Variants in PTPRT observed in about 807,000 individuals in gnomAD.
PTPRT encodes the protein receptor-type tyrosine-protein phosphatase T.
Under a neutral mutation model 176.8 loss-of-function variants are expected in PTPRT, and 56 were observed. That is an observed-to-expected ratio of 0.32 (90% CI 0.26 to 0.40). PTPRT has a LOEUF of 0.40. Among genes scored for constraint, PTPRT ranks in the 10% least tolerant of loss-of-function variants. The pLI, the probability that PTPRT is intolerant of heterozygous loss-of-function variation, is 1.00. For synonymous variants in PTPRT, 783 were observed against 739.0 expected, an observed-to-expected ratio of 1.06 and a Z score of -0.96; for missense variants, 1,540 against 1,908.2, an observed-to-expected ratio of 0.81 and a Z score of 3.60.
intron 1 of PTPRT, among the ~76,000 whole-genome samples, chr20:43,067,780 A>AG (rs1314854710): frequency 1.3e-5 from 2 of 150,986 alleles, no homozygotes; most frequent in Admixed American, 6.6e-5. Flanking sequence ...TGGGCAACAG[A>AG]GGGAAACCCC....
intron 1 of PTPRT, among the ~76,000 whole-genome samples, chr20:43,177,663 G>C (rs2015152752): frequency 6.6e-6 from 1 of 152,160 alleles, no homozygotes; most frequent in Non-Finnish European, 1.5e-5. Flanking sequence ...GCAATACAGA[G>C]AGATTTACAC....
intron 7 of PTPRT, among the ~76,000 whole-genome samples, chr20:42,535,008 A>C (rs573204370): frequency 6.6e-6 from 1 of 152,284 alleles, no homozygotes; most frequent in Non-Finnish European, 1.5e-5. Context: ...CCTGCTGTTA[A>C]TCCCTATTAT....
intron 18 of PTPRT, among the ~76,000 whole-genome samples, chr20:42,136,786 T>C (rs138545747): frequency 8.9e-4 from 135 of 152,160 alleles, no homozygotes; most frequent in African/African-American, 3.2e-3. Flanking sequence ...TGTCGGGGGG[T>C]GATCCCAGGA....
intron 14 of PTPRT, among the ~76,000 whole-genome samples, chr20:42,242,419 A>G (rs1253376454): frequency 6.6e-6 from 1 of 152,250 alleles, no homozygotes. Flanking sequence ...CTGATGGTCT[A>G]GTGAGGAAAT....
At position 43,184,650 on chromosome 20, in the gene PTPRT, G is replaced by A. The variant is rs73280332; in HGVS notation, c.88+4996C>T. Among the ~76,000 whole-genome samples, 667 of 151,990 alleles carry A rather than the reference G, an allele frequency of 4.4e-3. 1 individual carries two copies. Among genetic ancestry groups the A allele is most frequent in the African/African-American group, 0.011 (462 of 41,432 alleles). On this transcript the variant is annotated intron_variant, in intron 1 of 30. Coordinates refer to ENST00000373187, the MANE Select transcript of PTPRT (RefSeq NM_007050.6). ...TGCAGTGAGCTGAGATCACGCCACCGTGCTCCAGCCCGGCGACAGAGCAGT... is the reference window on the plus strand; with the variant it reads ...TGCAGTGAGCTGAGATCACGCCACCATGCTCCAGCCCGGCGACAGAGCAGT...
chr20:42,037,839 G>A, the PTPRT span, among the ~76,000 whole-genome samples: 1 of 152,300 alleles, frequency 6.6e-6, no homozygotes, highest in South Asian at 2.1e-4. Flanking sequence ...AGGTTGAGAT[G>A]AGCGTTTATG....
intron 13 of PTPRT, among the ~76,000 whole-genome samples, chr20:42,262,495 G>A (rs1283645394): frequency 1.3e-5 from 2 of 152,226 alleles, no homozygotes; most frequent in African/African-American, 4.8e-5. Context: ...TGAAGACTCA[G>A]TCTCTAGGAA....
At chr20:43,165,836 A>G (rs2014843914) in intron 1 of PTPRT, among the ~76,000 whole-genome samples, 1 of 152,210 alleles carries the variant, frequency 6.6e-6, no homozygotes, top group African/African-American at 2.4e-5. Context: ...AAATGTGTCA[A>G]CAGGGAATGG....
chr20:42,278,073 CTATATATATATATA>C lies in PTPRT; in HGVS notation c.2176+4402_2176+4415del, dbSNP rs777694770. On this transcript the variant is annotated intron_variant, in intron 13 of 30. Coordinates refer to ENST00000373187, the MANE Select transcript of PTPRT (RefSeq NM_007050.6). ...GATAGACATTAAACATGTAAGTAGA[CTATATATATATATA>C]TATATATATATATATATATATATAT... 6.2e-3 allele frequency among the ~76,000 whole-genome samples: 245 copies of C among 39,222 alleles called. 3 individuals carry two copies. Among genetic ancestry groups the C allele is most frequent in the Non-Finnish European group, 8.5e-3 (160 of 18,812 alleles). The allele number at this position is 39,222 out of a possible 152,430, so 25.7% of individuals were successfully genotyped here. A position where few individuals can be genotyped will look rare whatever the true frequency, so the allele number is the denominator to read the frequency against.
At chr20:43,187,254 C>T (rs2015416101) in intron 1 of PTPRT, among the ~76,000 whole-genome samples, 1 of 152,096 alleles carries the variant, frequency 6.6e-6, no homozygotes, top group Non-Finnish European at 1.5e-5. Flanking sequence ...ATCAAAAGAA[C>T]ATGGAAAACA....
intron 1 of PTPRT, among the ~76,000 whole-genome samples, chr20:42,960,956 G>T (rs1436962136): frequency 6.6e-6 from 1 of 152,184 alleles, no homozygotes. Flanking sequence ...GAAGTATGCA[G>T]AAAATGTATA....
chr20:43,101,042 A>G (rs759237821), intron 1 of PTPRT, among the ~76,000 whole-genome samples: 22 of 152,184 alleles, frequency 1.4e-4, no homozygotes, highest in Non-Finnish European at 2.5e-4. Context: ...TTTCTGGTAC[A>G]AAGAAACAAA....
At chr20:42,217,376 T>TACACATACAC (rs2055798480) in intron 15 of PTPRT, among the ~76,000 whole-genome samples, 1 of 104,326 alleles carries the variant, frequency 9.6e-6, no homozygotes, top group Non-Finnish European at 1.9e-5. Flanking sequence ...CTCTCAAACA[T>TACACATACAC]ACACACACAC....
chr20:42,730,111 G>C (rs1019700454), intron 6 of PTPRT, among the ~76,000 whole-genome samples: 4 of 152,180 alleles, frequency 2.6e-5, no homozygotes, highest in Admixed American at 6.5e-5. Context: ...TGTCCTTAAT[G>C]TTGACAAAGA....
intron 18 of PTPRT, among the ~76,000 whole-genome samples, chr20:42,130,172 C>G (rs965966038): frequency 2.6e-5 from 4 of 152,186 alleles, no homozygotes; most frequent in Non-Finnish European, 5.9e-5. Context: ...ATATACCCAG[C>G]AGAGGGAATT....
intron 16 of PTPRT, among the ~76,000 whole-genome samples, chr20:42,167,652 GAA>G (rs1208786353): frequency 6.6e-6 from 1 of 152,202 alleles, no homozygotes; most frequent in Non-Finnish European, 1.5e-5. Flanking sequence ...GAAGAGGAGA[GAA>G]GTTTTGAGGT....
At chr20:42,227,711 G>A (rs977742288) in intron 15 of PTPRT, among the ~76,000 whole-genome samples, 3 of 144,072 alleles carry the variant, frequency 2.1e-5, no homozygotes, top group Non-Finnish European at 4.5e-5. Flanking sequence ...GTATTCAAGC[G>A]ATTCTCCTGC....
At chr20:42,833,442 T>G (rs1302909168) in intron 2 of PTPRT, among the ~76,000 whole-genome samples, 2 of 151,032 alleles carry the variant, frequency 1.3e-5, no homozygotes, top group Non-Finnish European at 2.9e-5. Context: ...ATAAATAAAG[T>G]GGGGCATGTG....
chr20:42,347,618 T>C (rs947739252), intron 11 of PTPRT, among the ~76,000 whole-genome samples: 4 of 152,136 alleles, frequency 2.6e-5, no homozygotes, highest in African/African-American at 7.2e-5. Context: ...GAACACCACA[T>C]GGCATGATCC....
Sources: allele counts gnomAD v4.1 joint callset (sites outside exome capture counted in the v4.1 genomes callset), GRCh38; gene constraint gnomAD v4.1.1; transcripts MANE v1.5; gene names NCBI Gene and HGNC (gene_info 2026-07-23, HGNC 2026-07-21).